CBFA2T3: variants seen among roughly 807,000 people sequenced by gnomAD.
CBFA2T3 encodes the protein CBFA2/RUNX1 partner transcriptional co-repressor 3.
Under a neutral mutation model 58.6 loss-of-function variants are expected in CBFA2T3, and 31 were observed. That is an observed-to-expected ratio of 0.53 (90% confidence interval 0.40 to 0.71). CBFA2T3 has a LOEUF of 0.71. CBFA2T3 is among the 30% of genes least tolerant of loss of function. The pLI is 0.00. For missense variants in CBFA2T3, 1,076 were observed against 963.1 expected, an observed-to-expected ratio of 1.12 and a Z score of -1.55; for synonymous variants, 531 against 421.9, an observed-to-expected ratio of 1.26 and a Z score of -3.17.
chr16:88,905,904 C>T (rs1015481338), intron 1 of CBFA2T3, among the ~76,000 whole-genome samples: 7 of 152,016 alleles, frequency 4.6e-5, no homozygotes, highest in Non-Finnish European at 8.8e-5. Flanking sequence ...CCTGGACACC[C>T]ATTTCCTTGG....
Position 88,958,231 on chromosome 16 carries a change from G to C in CBFA2T3, c.151+18426C>G, listed in dbSNP as rs557979512. 6.6e-6 allele frequency among the ~76,000 whole-genome samples: 1 copy of C among 152,184 alleles called. No individual in the cohort carries two copies. Among genetic ancestry groups the C allele is most frequent in the Non-Finnish European group, 1.5e-5 (1 of 68,028 alleles). On this transcript the variant is annotated intron_variant, in intron 1 of 11. Coordinates refer to ENST00000268679, the MANE Select transcript of CBFA2T3 (RefSeq NM_005187.6). This position sits in a 1 kb window ranked among gnomAD's most constrained non-coding sequence, Gnocchi z 4.0. ...CGAGAGGAAAGGGCCCTGGGCACAG[G>C]CTATGGCAGAAGAGCTTCGAGAGCC...
chr16:88,951,029 A>C, intron 1 of CBFA2T3: 4 of 407,158 alleles, frequency 9.8e-6, no homozygotes, highest in Non-Finnish European at 1.9e-5. Context: ...CGGCACCGGC[A>C]CAGAGGGTCA....
intron 1 of CBFA2T3, among the ~76,000 whole-genome samples, chr16:88,944,104 G>A (rs1186960607): frequency 1.3e-5 from 2 of 152,126 alleles, no homozygotes; most frequent in Admixed American, 6.5e-5. Flanking sequence ...TTGGGAGGCC[G>A]AGGCCGGCGG....
Position 88,977,118 on chromosome 16 carries a change from C to T in CBFA2T3, c.-311G>A, listed in dbSNP as rs1429703035. The T allele has an allele frequency of 6.0e-6, 2 of 334,308 alleles. No individual in the cohort carries two copies. Among genetic ancestry groups the T allele is most frequent in the Non-Finnish European group, 1.1e-5 (2 of 180,880 alleles). The allele number at this position is 334,308 out of a possible 1,614,324, so 20.7% of individuals were successfully genotyped here. On this transcript the variant is annotated 5_prime_UTR_variant, in exon 1 of 12. Coordinates refer to ENST00000268679, the MANE Select transcript of CBFA2T3 (RefSeq NM_005187.6). ...CTGTGTCCCCGTGATAATGCCGGGG[C>T]CGGAGGCCTGCAGCTGCGCCCGCCA...
intron 1 of CBFA2T3, among the ~76,000 whole-genome samples, chr16:88,968,422 G>A (rs1023680605): frequency 5.3e-5 from 8 of 152,228 alleles, no homozygotes; most frequent in African/African-American, 1.7e-4. Flanking sequence ...CGCAGGACAA[G>A]CCTCACGGCT....
rs1445291634 is a variant in CBFA2T3, at chr16:88,879,354, C to T, written c.1578G>A (p.Lys526=). ...AHELITTERA[K]MERALAEAKR... The stretch of plus-strand genomic sequence containing the variant: ...TCGCCTCGGCCAGGGCCCGCTCCAT[C>T]TTGGCACGCTCCGTGGTGATGAGCT... The change falls in exon 11 of 12, where the codon AAG becomes AAA. Residue 526 remains lysine, a synonymous_variant. Coordinates refer to ENST00000268679, the MANE Select transcript of CBFA2T3 (RefSeq NM_005187.6). 1 of 1,612,844 alleles carries T rather than the reference C, an allele frequency of 6.2e-7. No homozygotes were observed. The highest frequency in any genetic ancestry group is 8.5e-7 in the Non-Finnish European group (1 of 1,179,748).
At chr16:88,893,641 G>C (rs1003108354) in intron 3 of CBFA2T3, among the ~76,000 whole-genome samples, 1 of 152,234 alleles carries the variant, frequency 6.6e-6, no homozygotes, top group Non-Finnish European at 1.5e-5. Flanking sequence ...ATAAGGAACA[G>C]CTGATGAGCG....
chr16:88,889,191 C>A (rs1212872393), intron 5 of CBFA2T3, among the ~76,000 whole-genome samples: 1 of 151,402 alleles, frequency 6.6e-6, no homozygotes, highest in African/African-American at 2.4e-5. Context: ...CAAACGACGC[C>A]AGATGGGCCC....
intron 1 of CBFA2T3, among the ~76,000 whole-genome samples, chr16:88,943,841 G>C (rs890007080): frequency 3.9e-5 from 6 of 152,204 alleles, no homozygotes; most frequent in African/African-American, 1.4e-4. Context: ...GAGACTACCA[G>C]CCCTATGTGA....
chr16:88,950,100 C>T (rs1972014916), intron 1 of CBFA2T3, among the ~76,000 whole-genome samples: 1 of 152,142 alleles, frequency 6.6e-6, no homozygotes, highest in South Asian at 2.1e-4. Context: ...GCCCCCTCTC[C>T]TCCTCTCCCG....
At chr16:88,922,335 C>T (rs1384422273) in intron 1 of CBFA2T3, among the ~76,000 whole-genome samples, 1 of 152,248 alleles carries the variant, frequency 6.6e-6, no homozygotes, top group Non-Finnish European at 1.5e-5. Flanking sequence ...TGTCCAGCAG[C>T]AGGGCCTAGG....
At chr16:88,968,066 G>A (rs1430933852) in intron 1 of CBFA2T3, among the ~76,000 whole-genome samples, 1 of 152,244 alleles carries the variant, frequency 6.6e-6, no homozygotes, top group African/African-American at 2.4e-5. Flanking sequence ...CGGGTCATGG[G>A]GCTGAGTTGG....
intron 1 of CBFA2T3, among the ~76,000 whole-genome samples, chr16:88,905,726 AAGGAGGGGCGGGACTGG>A (rs1309832769): frequency 4.9e-5 from 3 of 61,464 alleles, no homozygotes; most frequent in Admixed American, 3.5e-4. Context: ...GGCGGGGCTG[AAGGAGGGGCGGGACTGG>A]AGGGGCGGGG....
intron 1 of CBFA2T3, among the ~76,000 whole-genome samples, chr16:88,925,637 G>C (rs2608600): frequency 0.14 from 21,596 of 152,106 alleles, 3,596 homozygotes; most frequent in African/African-American, 0.41. Flanking sequence ...GACTCTGAAT[G>C]CTGCTTCTCC....
chr16:88,963,388 C>G (rs1256573586), intron 1 of CBFA2T3, among the ~76,000 whole-genome samples: 1 of 150,128 alleles, frequency 6.7e-6, no homozygotes, highest in East Asian at 2.0e-4. Context: ...TTGTGATAAA[C>G]AGAACATAAA....
intron 1 of CBFA2T3, among the ~76,000 whole-genome samples, chr16:88,919,218 A>T (rs553549074): frequency 6.6e-6 from 1 of 152,074 alleles, no homozygotes; most frequent in East Asian, 1.9e-4. Flanking sequence ...TTGCGAGCCA[A>T]TCGGGACAAA....
intron 11 of CBFA2T3, among the ~76,000 whole-genome samples, chr16:88,878,843 G>T (rs1968944549): frequency 6.6e-6 from 1 of 152,232 alleles, no homozygotes; most frequent in African/African-American, 2.4e-5. Context: ...CTACTTGGGA[G>T]GCTGAGGCAG....
chr16:88,948,616 A>G (rs977790521), intron 1 of CBFA2T3, among the ~76,000 whole-genome samples: 1 of 152,178 alleles, frequency 6.6e-6, no homozygotes, highest in Admixed American at 6.5e-5. Context: ...TTCTCCCCTG[A>G]CTCACATCGG....
At chr16:88,914,525 C>G (rs1970628626) in intron 1 of CBFA2T3, among the ~76,000 whole-genome samples, 1 of 152,200 alleles carries the variant, frequency 6.6e-6, no homozygotes, top group African/African-American at 2.4e-5. Flanking sequence ...ACGACTAGAC[C>G]AAAAATGTGA....
Sources: allele counts gnomAD v4.1 joint callset (sites outside exome capture counted in the v4.1 genomes callset), GRCh38; gene constraint gnomAD v4.1.1; non-coding constraint Gnocchi (gnomAD v3.1); transcripts MANE v1.5; gene names NCBI Gene and HGNC (gene_info 2026-07-23, HGNC 2026-07-21).